Variants in VTI1A observed in about 807,000 individuals in gnomAD.
The protein encoded by VTI1A is vesicle transport through interaction with t-SNAREs 1A.
VTI1A carries 22 observed loss-of-function variants against 34.9 expected under a neutral mutation model. The observed-to-expected ratio is 0.63, with a 90% CI of 0.45 to 0.90. The LOEUF (loss-of-function observed/expected upper bound fraction) is 0.90. VTI1A is among the 40% of genes least tolerant of loss of function. The pLI is 0.00. For missense variants in VTI1A, 268 were observed against 275.6 expected, an observed-to-expected ratio of 0.97 and a Z score of 0.20; for synonymous variants, 87 against 97.3, an observed-to-expected ratio of 0.89 and a Z score of 0.62.
intron 3 of VTI1A, among the ~76,000 whole-genome samples, chr10:112,499,900 A>G (rs1221410494): frequency 1.3e-5 from 2 of 151,618 alleles, no homozygotes; most frequent in Admixed American, 6.6e-5. Context: ...TTGACATGTC[A>G]CTCTCTTGTT....
chr10:112,466,934 C>T (rs548720932), intron 3 of VTI1A, among the ~76,000 whole-genome samples: 41 of 152,284 alleles, frequency 2.7e-4, no homozygotes, highest in Non-Finnish European at 2.5e-4. Flanking sequence ...TGTCTTCCCT[C>T]TTCACGTTTC....
intron 5 of VTI1A, among the ~76,000 whole-genome samples, chr10:112,659,386 T>G (rs1847361503): frequency 6.6e-6 from 1 of 152,226 alleles, no homozygotes; most frequent in Non-Finnish European, 1.5e-5. Flanking sequence ...CATTTTTGAA[T>G]GGAGCTGTAA....
intron 7 of VTI1A, among the ~76,000 whole-genome samples, chr10:112,724,434 A>T (rs1195484195): frequency 6.6e-6 from 1 of 152,110 alleles, no homozygotes; most frequent in Admixed American, 6.5e-5. Context: ...GTTAAAGAGG[A>T]CACCAAACTA....
At chr10:112,626,230 A>G (rs865849526) in intron 5 of VTI1A, among the ~76,000 whole-genome samples, 14 of 152,336 alleles carry the variant, frequency 9.2e-5, no homozygotes, top group African/African-American at 3.1e-4. Context: ...GTCACATAAC[A>G]GTAGAAATCT....
chr10:112,759,875 A>G (rs1418696527), intron 7 of VTI1A, among the ~76,000 whole-genome samples: 2 of 152,048 alleles, frequency 1.3e-5, no homozygotes, highest in Non-Finnish European at 2.9e-5. Flanking sequence ...CCAACCCCAC[A>G]TATTCTCGGA....
chr10:112,743,450 G>A (rs1015435076), intron 7 of VTI1A, among the ~76,000 whole-genome samples: 1 of 152,190 alleles, frequency 6.6e-6, no homozygotes. Context: ...CTGTGTACTT[G>A]GTAAGGACCG....
intron 5 of VTI1A, among the ~76,000 whole-genome samples, chr10:112,637,855 T>G (rs1454626920): frequency 1.3e-5 from 2 of 152,188 alleles, no homozygotes; most frequent in Non-Finnish European, 2.9e-5. Flanking sequence ...AATGTGTGGA[T>G]TAGGGAGTAA....
chr10:112,616,544 A>G (rs1278800363), intron 5 of VTI1A, among the ~76,000 whole-genome samples: 6 of 152,198 alleles, frequency 3.9e-5, no homozygotes, highest in South Asian at 2.1e-4. Context: ...AAGATTTACC[A>G]AACATACAAA....
intron 4 of VTI1A, among the ~76,000 whole-genome samples, chr10:112,536,428 A>T (rs972277902): frequency 6.6e-6 from 1 of 152,212 alleles, no homozygotes; most frequent in African/African-American, 2.4e-5. Flanking sequence ...GCTATTTTTG[A>T]CAAGCCTTAG....
At chr10:112,586,693 GATC>G (rs1398465977) in intron 5 of VTI1A, among the ~76,000 whole-genome samples, 1 of 151,904 alleles carries the variant, frequency 6.6e-6, no homozygotes, top group Non-Finnish European at 1.5e-5. Context: ...TCCTCTAGCC[GATC>G]TCCTTAGAAA....
chr10:112,791,015 A>G (rs1408101276), intron 7 of VTI1A, among the ~76,000 whole-genome samples: 1 of 152,144 alleles, frequency 6.6e-6, no homozygotes, highest in Non-Finnish European at 1.5e-5. Flanking sequence ...TATGGCAATG[A>G]CCAGCTCTGC....
intron 3 of VTI1A, among the ~76,000 whole-genome samples, chr10:112,482,757 G>A (rs147248998): frequency 2.5e-4 from 38 of 152,246 alleles, no homozygotes; most frequent in African/African-American, 9.1e-4. Flanking sequence ...CCTTGGTAAT[G>A]TATTTCAAAG....
intron 7 of VTI1A, among the ~76,000 whole-genome samples, chr10:112,774,060 T>A (rs573307988): frequency 6.6e-6 from 1 of 152,294 alleles, no homozygotes; most frequent in African/African-American, 2.4e-5. Context: ...GAGGTGAGGC[T>A]GTGAGTAGCT....
At chr10:112,545,482 G>C (rs1242842856) in intron 5 of VTI1A, among the ~76,000 whole-genome samples, 1 of 152,108 alleles carries the variant, frequency 6.6e-6, no homozygotes, top group Non-Finnish European at 1.5e-5. Context: ...ACAAAACTAT[G>C]GTATTTCTTT....
At chr10:112,483,658 C>T (rs546945065) in intron 3 of VTI1A, among the ~76,000 whole-genome samples, 3 of 152,226 alleles carry the variant, frequency 2.0e-5, no homozygotes, top group Non-Finnish European at 4.4e-5. Flanking sequence ...AGCAGACTGC[C>T]ACCCCAACCC....
At chr10:112,737,826 C>T (rs1003871689) in intron 7 of VTI1A, 2 of 1,059,796 alleles carry the variant, frequency 1.9e-6, no homozygotes, top group African/African-American at 3.3e-5. Context: ...ATTTTTCTTG[C>T]ATTTCTTTCT....
At chr10:112,677,913 A>G (rs1848087757) in intron 7 of VTI1A, 1 of 152,352 alleles carries the variant, frequency 6.6e-6, no homozygotes, top group South Asian at 2.1e-4. Flanking sequence ...GCCTCCTCAC[A>G]TTTGGCTCAC....
rs762144616 is a variant in VTI1A at position 112,632,987 on chromosome 10, G to C, written c.428-35231G>C. 8.5e-4 allele frequency among the ~76,000 whole-genome samples: 129 copies of C among 152,252 alleles called. 1 individual carries two copies. Among genetic ancestry groups the C allele is most frequent in the Non-Finnish European group, 4.3e-4 (29 of 68,010 alleles). Reference sequence around the variant, plus strand: ...TATATTACAGCTAGGGCATTATATTGATTTCTTTTTTAAAAATCCTGTGTG... The same window carrying C: ...TATATTACAGCTAGGGCATTATATTCATTTCTTTTTTAAAAATCCTGTGTG... On this transcript the variant is annotated intron_variant, in intron 5 of 7. Transcript: ENST00000393077.
chr10:112,480,238 C>T (rs1456431654), intron 3 of VTI1A, among the ~76,000 whole-genome samples: 1 of 152,090 alleles, frequency 6.6e-6, no homozygotes, highest in Non-Finnish European at 1.5e-5. Flanking sequence ...AACTAAAGAA[C>T]AAATGAGGAA....
Sources: gnomAD v4.1 joint callset for allele counts (sites outside exome capture counted in the v4.1 genomes callset) on GRCh38, gnomAD v4.1.1 for gene constraint, MANE v1.5 for transcripts, NCBI Gene and HGNC (gene_info 2026-07-23, HGNC 2026-07-21) for gene names.